Variants in GABRG3 observed in about 807,000 individuals in gnomAD.
GABRG3 encodes the protein gamma-aminobutyric acid receptor subunit gamma-3.
A neutral mutation model predicts 48.8 loss-of-function variants in GABRG3; 25 were observed. The observed-to-expected ratio is 0.51, with a 90% CI of 0.37 to 0.72. The LOEUF is 0.72. Ranked by LOEUF, GABRG3 falls within the 30% of genes least tolerant of loss-of-function variation. The pLI is 0.00. For synonymous variants in GABRG3, 227 were observed against 217.6 expected, an observed-to-expected ratio of 1.04 and a Z score of -0.38; for missense variants, 394 against 577.9, an observed-to-expected ratio of 0.68 and a Z score of 3.26.
intron 3 of GABRG3, among the ~76,000 whole-genome samples, chr15:27,130,141 T>G (rs1897891317): frequency 6.6e-6 from 1 of 152,162 alleles, no homozygotes; most frequent in African/African-American, 2.4e-5. Flanking sequence ...TTTAATGACA[T>G]GAAGCTTTTC....
At chr15:26,990,098 A>C (rs1227864831) in intron 2 of GABRG3, among the ~76,000 whole-genome samples, 1 of 152,216 alleles carries the variant, frequency 6.6e-6, no homozygotes, top group African/African-American at 2.4e-5. Flanking sequence ...GAATGAAGAT[A>C]TCTCTTCCAT....
At chr15:27,002,081 TC>T (rs1895459667) in intron 2 of GABRG3, among the ~76,000 whole-genome samples, 1 of 152,212 alleles carries the variant, frequency 6.6e-6, no homozygotes, top group Non-Finnish European at 1.5e-5. Flanking sequence ...TTTAAAATAT[TC>T]CTACCAGTAA....
intron 5 of GABRG3, among the ~76,000 whole-genome samples, chr15:27,410,150 TTATC>T (rs1370526494): frequency 1.3e-5 from 2 of 152,212 alleles, no homozygotes; most frequent in African/African-American, 4.8e-5. Flanking sequence ...TCAAAAGCAT[TTATC>T]TATCAAATGA....
intron 3 of GABRG3, among the ~76,000 whole-genome samples, chr15:27,051,767 C>A (rs746262879): frequency 6.6e-6 from 1 of 152,182 alleles, no homozygotes; most frequent in Non-Finnish European, 1.5e-5. Flanking sequence ...TTGTAATATA[C>A]AGTGAAATAA....
chr15:27,315,956 G>T (rs533883209), intron 3 of GABRG3, among the ~76,000 whole-genome samples: 2 of 152,182 alleles, frequency 1.3e-5, no homozygotes, highest in South Asian at 4.1e-4. Flanking sequence ...ATCATAACCT[G>T]GGATGAGTTC....
rs182026001 is a variant in GABRG3, at chr15:27,385,354, A to G, written c.574+56466A>G. ...TATCTTGTGTCTAGGTGTGGATTGC[A>G]TTGTGTTTCTCCTACTTGGCGTTTC... On this transcript the variant is annotated intron_variant, in intron 5 of 9. Transcript: ENST00000615808. Among the ~76,000 whole-genome samples, 384 of 136,046 alleles carry G rather than the reference A, an allele frequency of 2.8e-3. 1 individual carries two copies. The highest frequency in any genetic ancestry group is 0.01 in the African/African-American group (369 of 35,826). 89.3% of individuals were successfully genotyped at this position (136,046 alleles called of 152,430 possible). A position where few individuals can be genotyped will look rare whatever the true frequency, so the allele number is the denominator to read the frequency against.
At chr15:27,414,348 A>C (rs1488613575) in intron 5 of GABRG3, among the ~76,000 whole-genome samples, 1 of 152,022 alleles carries the variant, frequency 6.6e-6, no homozygotes, top group Non-Finnish European at 1.5e-5. Context: ...CTCTGTGGGC[A>C]GCCTACTCTT....
At chr15:27,025,309 C>T (rs1895966103) in intron 2 of GABRG3, among the ~76,000 whole-genome samples, 1 of 152,192 alleles carries the variant, frequency 6.6e-6, no homozygotes, top group Non-Finnish European at 1.5e-5. Flanking sequence ...CCTTAACCAA[C>T]TGACTTAACA....
intron 2 of GABRG3, among the ~76,000 whole-genome samples, chr15:27,000,651 G>C (rs896132806): frequency 1.3e-5 from 2 of 152,042 alleles, no homozygotes; most frequent in African/African-American, 2.4e-5. Flanking sequence ...CCACCACCTT[G>C]CTCCTGCTCT....
At chr15:26,991,300 C>T (rs914581067) in intron 2 of GABRG3, among the ~76,000 whole-genome samples, 1 of 152,034 alleles carries the variant, frequency 6.6e-6, no homozygotes, top group Non-Finnish European at 1.5e-5. Context: ...TATGCCACTG[C>T]CATGCTGTTT....
chr15:27,418,055 G>T (rs1282959360), intron 5 of GABRG3, among the ~76,000 whole-genome samples: 1 of 152,178 alleles, frequency 6.6e-6, no homozygotes, highest in Non-Finnish European at 1.5e-5. Context: ...GGATTGGCCC[G>T]CACTGAAGAT....
intron 3 of GABRG3, among the ~76,000 whole-genome samples, chr15:27,277,512 A>ATT (rs1595632089): frequency 6.6e-6 from 1 of 152,202 alleles, no homozygotes; most frequent in East Asian, 1.9e-4. Flanking sequence ...ACTGGAGGAG[A>ATT]TTGATAGCCA....
At chr15:27,097,781 T>G (rs1315620958) in intron 3 of GABRG3, among the ~76,000 whole-genome samples, 2 of 151,918 alleles carry the variant, frequency 1.3e-5, no homozygotes, top group African/African-American at 4.8e-5. Flanking sequence ...TCAGGAAAGG[T>G]CCCTCCCTAA....
chr15:27,229,848 T>A (rs1889745206), intron 3 of GABRG3, among the ~76,000 whole-genome samples: 1 of 152,182 alleles, frequency 6.6e-6, no homozygotes, highest in Non-Finnish European at 1.5e-5. Flanking sequence ...TCCAGCTTTG[T>A]TCTTTTTCCT....
At chr15:27,309,072 C>CAT (rs201356365) in intron 3 of GABRG3, among the ~76,000 whole-genome samples, 3,981 of 146,034 alleles carry the variant, frequency 0.027, 136 homozygotes, top group East Asian at 0.089. Flanking sequence ...ATAATGTAAA[C>CAT]ATGTTTATAT....
chr15:27,146,436 G>A (rs1467045000), intron 3 of GABRG3, among the ~76,000 whole-genome samples: 1 of 152,136 alleles, frequency 6.6e-6, no homozygotes, highest in Non-Finnish European at 1.5e-5. Flanking sequence ...CAGCCTGCGT[G>A]ACACGGTGAG....
Position 26,977,058 on chromosome 15 carries a change from T to C in GABRG3, c.110T>C (p.Val37Ala). The C allele has an allele frequency of 6.2e-7, 1 of 1,613,882 alleles. No individual in the cohort carries two copies. Among genetic ancestry groups the C allele is most frequent in the Non-Finnish European group, 8.5e-7 (1 of 1,179,856 alleles). ...YEDSSSNQKW[V>A]LAPKSQDTDV... ...GATTCATCATCAAACCAAAAGTGGGTCTTGGCTCCAAAATCCCAAGACACC... is the reference window on the plus strand; with the variant it reads ...GATTCATCATCAAACCAAAAGTGGGCCTTGGCTCCAAAATCCCAAGACACC... The change falls in exon 2 of 10, where the codon GTC becomes GCC. Residue 37 changes from valine (V) to alanine (A), a missense_variant. Coordinates refer to ENST00000615808, the MANE Select transcript of GABRG3 (RefSeq NM_033223.5).
chr15:26,994,065 C>T (rs1895294649), intron 2 of GABRG3, among the ~76,000 whole-genome samples: 1 of 151,874 alleles, frequency 6.6e-6, no homozygotes, highest in Non-Finnish European at 1.5e-5. Flanking sequence ...CTTTTCCCAT[C>T]CCTTTATTTT....
At chr15:27,495,241 T>C (rs987197840) in intron 6 of GABRG3, among the ~76,000 whole-genome samples, 10 of 152,234 alleles carry the variant, frequency 6.6e-5, no homozygotes, top group African/African-American at 2.4e-4. Context: ...GTGCCTGGCT[T>C]ATTTCACTTA....
Sources: allele counts gnomAD v4.1 joint callset (sites outside exome capture counted in the v4.1 genomes callset), GRCh38; gene constraint gnomAD v4.1.1; transcripts MANE v1.5; gene names NCBI Gene and HGNC (gene_info 2026-07-23, HGNC 2026-07-21).